CDC20B: variants seen among roughly 807,000 people sequenced by gnomAD.
CDC20B encodes cell division cycle 20B.
CDC20B carries 58 observed loss-of-function variants against 64.1 expected under a neutral mutation model. The observed-to-expected ratio is 0.90, with a 90% CI of 0.73 to 1.13. The LOEUF is 1.13. CDC20B is among the 50% of genes most tolerant of loss of function. The pLI, the probability that CDC20B is intolerant of heterozygous loss-of-function variation, is 0.00. For synonymous variants in CDC20B, 243 were observed against 230.6 expected, an observed-to-expected ratio of 1.05 and a Z score of -0.49; for missense variants, 597 against 633.0, an observed-to-expected ratio of 0.94 and a Z score of 0.61.
intron 9 of CDC20B, 85 bp from the exon 10 acceptor site, chr5:55,120,635 G>T: frequency 6.6e-7 from 1 of 1,520,992 alleles, no homozygotes; most frequent in Non-Finnish European, 9.0e-7. Flanking sequence ...TAAGCAGCAA[G>T]TCCCCACGTC....
chr5:55,154,445 A>C (rs1227839985), intron 2 of CDC20B, among the ~76,000 whole-genome samples: 1 of 152,112 alleles, frequency 6.6e-6, no homozygotes, highest in Non-Finnish European at 1.5e-5. Flanking sequence ...TGATCCTGGG[A>C]GGTCGACGCT....
chr5:55,134,968 C>T (rs1743123585), intron 5 of CDC20B, among the ~76,000 whole-genome samples: 2 of 152,112 alleles, frequency 1.3e-5, no homozygotes, highest in South Asian at 2.1e-4. Context: ...AATAGTGATA[C>T]ATGTCATTAT....
Position 55,133,799 on chromosome 5 carries a change from T to C in CDC20B, c.581-271A>G, listed in dbSNP as rs116242976. On this transcript the variant is annotated intron_variant, in intron 5 of 11. Transcript: ENST00000381375. ...AGACCTGAATGTAGAAGATAGATCT[T>C]GTGAGGAGTACACAGAGATACTACA... Among the ~76,000 whole-genome samples the C allele has an allele frequency of 3.8e-3, 574 of 152,288 alleles. 4 individuals carry two copies. Among genetic ancestry groups the C allele is most frequent in the African/African-American group, 0.013 (552 of 41,556 alleles).
chr5:55,128,469 T>C lies in CDC20B; in HGVS notation c.846A>G (p.Ile282Met), dbSNP rs200007497. ...CAACTGCCAGGCAAGTTCCCTCTTT[T>C]ATCCAGGACACAGAAGAGATATAGT... Reference protein sequence around the residue: ...TCNYISSVSWIKEGTCLAVGT... With the variant: ...TCNYISSVSWMKEGTCLAVGT... Residue 282 changes from isoleucine to methionine, a missense_variant, in exon 7 of 12, where the codon ATA becomes ATG. Ile to Met is a conservative substitution (Grantham distance 10). Transcript: ENST00000381375. The C allele has an allele frequency of 9.8e-5, 158 of 1,608,386 alleles. 1 individual carries two copies. Among genetic ancestry groups the C allele is most frequent in the East Asian group, 9.4e-4 (42 of 44,752 alleles).
chr5:55,140,368 G>C lies in CDC20B; in HGVS notation c.526C>G (p.Gln176Glu). 6.2e-7 allele frequency: 1 copy of C among 1,613,500 alleles called. No individual in the cohort carries two copies. The highest frequency in any genetic ancestry group is 8.5e-7 in the Non-Finnish European group (1 of 1,179,714). The change falls in exon 5 of 12, where the codon CAG becomes GAG. Residue 176 changes from glutamine to glutamate, a missense_variant. Gln to Glu is a conservative substitution (Grantham distance 29). Around this residue, in one of 3 missense-constraint regions of CDC20B, gnomAD observed 241 missense variants for 219.2 expected, o/e 1.10. Transcript: ENST00000381375. ...KQLFVTQNVV[Q>E]QANGKMQLCE... ...AGCTGCATTTTTCCATTAGCCTGCT[G>C]AACCACGTTCTGGGTTACAAAGAGT...
chr5:55,167,220 A>C (rs1019795625), intron 2 of CDC20B: 12 of 152,232 alleles, frequency 7.9e-5, no homozygotes, highest in Non-Finnish European at 1.6e-4. Context: ...AGAATACTTC[A>C]TACTAACTCC....
Position 55,148,557 on chromosome 5 carries a change from T to C in CDC20B, c.127-1701A>G, listed in dbSNP as rs565931871. Among the ~76,000 whole-genome samples the C allele has an allele frequency of 6.6e-5, 10 of 152,130 alleles. No individual in the cohort carries two copies. The South Asian group carries it at 2.1e-3, about 32-fold the overall frequency. On this transcript the variant is annotated intron_variant, in intron 2 of 11. Transcript: ENST00000381375. Reference sequence around the variant, plus strand: ...GACAAAACCCTGTCTCTACAAAAAATACAAGAATGAGTTGAGCGTGGTGGT... The same window carrying C: ...GACAAAACCCTGTCTCTACAAAAAACACAAGAATGAGTTGAGCGTGGTGGT...
In CDC20B at chr5:55,135,778, T is replaced by A. The variant is rs868486948; in HGVS notation, c.581-2250A>T. The stretch of plus-strand genomic sequence containing the variant: ...GTGATTTTTTTTTTTTTTTTTTTTT[T>A]AGCTCATCAGCTATCTTTAGTATTA... On this transcript the variant is annotated intron_variant, in intron 5 of 11. Coordinates refer to ENST00000381375, the MANE Select transcript of CDC20B (RefSeq NM_001170402.1). The A allele has an allele frequency of 1.6e-3, 222 of 141,756 alleles. 1 individual carries two copies. The highest frequency in any genetic ancestry group is 5.2e-3 in the African/African-American group (198 of 38,014). 8.8% of individuals were successfully genotyped at this position (141,756 alleles called of 1,614,324 possible). A position where few individuals can be genotyped will look rare whatever the true frequency, so the allele number is the denominator to read the frequency against.
At chr5:55,153,546 G>T (rs1448368545) in intron 2 of CDC20B, among the ~76,000 whole-genome samples, 2 of 152,112 alleles carry the variant, frequency 1.3e-5, no homozygotes, top group Non-Finnish European at 2.9e-5. Context: ...TAATAAATTT[G>T]CTGCCAGTGT....
At chr5:55,138,502 C>T (rs534539100) in intron 5 of CDC20B, among the ~76,000 whole-genome samples, 9 of 152,140 alleles carry the variant, frequency 5.9e-5, no homozygotes, top group East Asian at 3.9e-4. Context: ...CTTTAACCTA[C>T]GAAAGGAGAA....
chr5:55,119,019 T>C (rs1353066046), intron 11 of CDC20B, among the ~76,000 whole-genome samples: 1 of 152,156 alleles, frequency 6.6e-6, no homozygotes, highest in African/African-American at 2.4e-5. Context: ...CCCCAAAAAG[T>C]ACCTCCCACA....
chr5:55,128,664 A>T (rs967957319), intron 6 of CDC20B, 47 bp from the exon 7 acceptor site: 2 of 1,363,228 alleles, frequency 1.5e-6, no homozygotes, highest in Non-Finnish European at 2.0e-6. Context: ...AGCCACATGA[A>T]AACATGTTCA....
intron 2 of CDC20B, among the ~76,000 whole-genome samples, chr5:55,167,617 T>C (rs1744457175): frequency 1.3e-5 from 2 of 151,848 alleles, no homozygotes; most frequent in African/African-American, 4.9e-5. Flanking sequence ...ATCAGCACTT[T>C]AAGCAGCTGA....
At chr5:55,172,508 T>C in intron 2 of CDC20B, 80 bp downstream of exon 2, 1 of 1,183,498 alleles carries the variant, frequency 8.4e-7, no homozygotes. Flanking sequence ...TCAAACTTCC[T>C]ACAAATACAT....
intron 2 of CDC20B, among the ~76,000 whole-genome samples, chr5:55,171,842 T>C (rs1744609106): frequency 6.6e-6 from 1 of 152,118 alleles, no homozygotes; most frequent in South Asian, 2.1e-4. Context: ...TGGCCTCAAG[T>C]GATCCTCCTG....
At chr5:55,132,941 A>G (rs1455537987) in intron 6 of CDC20B, among the ~76,000 whole-genome samples, 1 of 152,182 alleles carries the variant, frequency 6.6e-6, no homozygotes, top group Non-Finnish European at 1.5e-5. Flanking sequence ...TTTCTGGACA[A>G]CACCGAAGCT....
chr5:55,132,603 G>A (rs1171307150), intron 6 of CDC20B, among the ~76,000 whole-genome samples: 3 of 152,110 alleles, frequency 2.0e-5, no homozygotes, highest in African/African-American at 4.8e-5. Context: ...TCTTCATGGA[G>A]GAAAAATAAG....
Position 55,124,870 on chromosome 5 carries a change from G to A in CDC20B, c.1148C>T (p.Pro383Leu). Residue 383 changes from proline to leucine, a missense_variant, in exon 9 of 12, where the codon CCC becomes CTC. Physicochemically the swap from Pro to Leu is moderately conservative, Grantham distance 98. Coordinates refer to ENST00000381375, the MANE Select transcript of CDC20B (RefSeq NM_001170402.1). ...GCSDGLLTIW[P>L]HDPGASAQGQ... is the part of the protein sequence containing the mutation. ...CTGTGCACTGGCACCTGGATCGTGGGGCCATATTGTCAGCAGTCCATCACT... is the reference window on the plus strand; with the variant it reads ...CTGTGCACTGGCACCTGGATCGTGGAGCCATATTGTCAGCAGTCCATCACT... The A allele has an allele frequency of 1.2e-6, 2 of 1,614,112 alleles. No individual in the cohort carries two copies. The highest frequency in any genetic ancestry group is 2.7e-5 in the African/African-American group (2 of 75,030).
At chr5:55,150,573 A>G (rs1461582857) in intron 2 of CDC20B, among the ~76,000 whole-genome samples, 2 of 152,192 alleles carry the variant, frequency 1.3e-5, no homozygotes, top group Non-Finnish European at 2.9e-5. Context: ...GTTGGGGGTC[A>G]GTTTTTCTGT....
Sources: allele counts gnomAD v4.1 joint callset (sites outside exome capture counted in the v4.1 genomes callset), GRCh38; gene constraint gnomAD v4.1.1; regional missense constraint gnomAD v4.1.1; transcripts MANE v1.5; gene names NCBI Gene and HGNC (gene_info 2026-07-23, HGNC 2026-07-21).